CACNB2: variants seen among roughly 807,000 people sequenced by gnomAD.
The protein encoded by CACNB2 is voltage-dependent L-type calcium channel subunit beta-2.
A neutral mutation model predicts 73.3 loss-of-function variants in CACNB2; 42 were observed. That is an observed-to-expected ratio of 0.57 (90% CI 0.45 to 0.74). CACNB2 has a LOEUF of 0.74. CACNB2 is among the 30% of genes least tolerant of loss of function. The probability of loss-of-function intolerance (pLI) is 0.00; values close to 1 mark genes in which losing one functional copy is unlikely to be tolerated. For missense variants in CACNB2, 940 were observed against 853.0 expected (o/e 1.10, Z -1.27); for synonymous variants, 348 against 310.3 (o/e 1.12, Z -1.28).
At chr10:18,249,717 C>T (rs2037012722) in intron 2 of CACNB2, among the ~76,000 whole-genome samples, 1 of 152,164 alleles carries the variant, frequency 6.6e-6, no homozygotes, top group Admixed American at 6.5e-5. Flanking sequence ...GGGAATTTCA[C>T]AAAAGCTTGT....
At chr10:18,505,702 G>A (rs1361643573) in intron 5 of CACNB2, among the ~76,000 whole-genome samples, 2 of 152,104 alleles carry the variant, frequency 1.3e-5, no homozygotes, top group African/African-American at 2.4e-5. Context: ...TCGGTAACAC[G>A]TTATTTAGCA....
At chr10:18,220,758 A>G (rs1445860481) in intron 2 of CACNB2, among the ~76,000 whole-genome samples, 3 of 152,114 alleles carry the variant, frequency 2.0e-5, no homozygotes, top group Non-Finnish European at 4.4e-5. Context: ...TGCAAACCCT[A>G]CTGTGAACTG....
At chr10:18,290,177 G>A (rs1444741830) in intron 2 of CACNB2, among the ~76,000 whole-genome samples, 1 of 116,846 alleles carries the variant, frequency 8.6e-6, no homozygotes, top group African/African-American at 3.3e-5. Context: ...ATAAGCGCGC[G>A]CCACCATGCC....
rs796929745 is a variant in CACNB2 at position 18,516,814 on chromosome 10, GT to G, written c.805-1510del. ...GCTGTCACTGTATTATGTTTGTCTT[GT>G]TTTTTTTTTTTCTGTTCAAAACTGT... On this transcript the variant is annotated intron_variant, in intron 7 of 13. Transcript: ENST00000324631. Among the ~76,000 whole-genome samples, 1,025 of 142,132 alleles carry G rather than the reference GT, an allele frequency of 7.2e-3. 6 individuals carry two copies. The highest frequency in any genetic ancestry group is 9.4e-3 in the Non-Finnish European group (605 of 64,690). 93.2% of individuals were successfully genotyped at this position (142,132 alleles called of 152,430 possible).
chr10:18,140,918 G>A, intron 1 of CACNB2, 62 bp downstream of exon 1: 1 of 1,547,718 alleles, frequency 6.5e-7, no homozygotes, highest in South Asian at 1.2e-5. Context: ...ACCGACCTCG[G>A]GTTCTCCCGG....
In CACNB2 at chr10:18,330,474, T is replaced by A. The variant is rs372844769; in HGVS notation, c.214-71450T>A. 5.9e-5 allele frequency among the ~76,000 whole-genome samples: 9 copies of A among 152,058 alleles called. No individual in the cohort carries two copies. In the East Asian group the frequency reaches 9.7e-4, roughly 16 times the overall value. The stretch of plus-strand genomic sequence containing the variant: ...AAGACCATCCTGAGCATAGCAAGAC[T>A]CTGTCTCTACAAAACATTGAAAGAT... On this transcript the variant is annotated intron_variant, in intron 2 of 13. Coordinates refer to ENST00000324631, the MANE Select transcript of CACNB2 (RefSeq NM_201596.3).
At chr10:18,360,950 A>T (rs557292401) in intron 2 of CACNB2, among the ~76,000 whole-genome samples, 1 of 152,248 alleles carries the variant, frequency 6.6e-6, no homozygotes, top group East Asian at 1.9e-4. Context: ...TTTTGTCCAC[A>T]ATTCAAATTC....
intron 3 of CACNB2, among the ~76,000 whole-genome samples, chr10:18,469,440 A>G (rs980391671): frequency 6.6e-6 from 1 of 152,100 alleles, no homozygotes; most frequent in Non-Finnish European, 1.5e-5. Context: ...GATGTATTTA[A>G]TATGTTGTTG....
At chr10:18,263,447 A>G (rs959977499) in intron 2 of CACNB2, among the ~76,000 whole-genome samples, 1 of 152,212 alleles carries the variant, frequency 6.6e-6, no homozygotes, top group African/African-American at 2.4e-5. Context: ...ACTGGAACTA[A>G]ATGTCAATAT....
At chr10:18,402,763 C>T (rs1589250918) in intron 3 of CACNB2, among the ~76,000 whole-genome samples, 2 of 152,270 alleles carry the variant, frequency 1.3e-5, no homozygotes, top group Middle Eastern at 3.4e-3. Flanking sequence ...ATAGATTGTT[C>T]GAGTTGAAGG....
At chr10:18,531,346 C>CTGAT (rs2053011599) in intron 10 of CACNB2, among the ~76,000 whole-genome samples, 1 of 152,156 alleles carries the variant, frequency 6.6e-6, no homozygotes, top group African/African-American at 2.4e-5. Context: ...TCCTCCCACC[C>CTGAT]TGATAGGCCC....
intron 3 of CACNB2, among the ~76,000 whole-genome samples, chr10:18,488,066 C>G (rs1422691020): frequency 6.6e-6 from 1 of 151,406 alleles, no homozygotes; most frequent in Non-Finnish European, 1.5e-5. Context: ...GCCTCGGCCT[C>G]CCAAAGTGCT....
rs1423590171 is a variant in CACNB2 at position 18,435,697 on chromosome 10, G to A, written c.333+33654G>A. Among the ~76,000 whole-genome samples, 10 of 151,764 alleles carry A rather than the reference G, an allele frequency of 6.6e-5. No individual in the cohort carries two copies. The East Asian group carries it at 7.7e-4, about 12-fold the overall frequency. The stretch of plus-strand genomic sequence containing the variant: ...TATTTTTTTGTAGGGATGGGGTTTC[G>A]CCATGTTGCCCAGGCTGGTCTCAAA... On this transcript the variant is annotated intron_variant, in intron 3 of 13. Transcript: ENST00000324631.
At chr10:18,270,950 C>T (rs1372255880) in intron 2 of CACNB2, among the ~76,000 whole-genome samples, 1 of 152,140 alleles carries the variant, frequency 6.6e-6, no homozygotes, top group Non-Finnish European at 1.5e-5. Context: ...TCACTACTAC[C>T]TCTTTATTCC....
intron 2 of CACNB2, among the ~76,000 whole-genome samples, chr10:18,247,354 C>A (rs1277437815): frequency 1.3e-5 from 2 of 152,192 alleles, no homozygotes; most frequent in East Asian, 3.9e-4. Context: ...CCAACTAACA[C>A]CAATTCCCAA....
intron 2 of CACNB2, among the ~76,000 whole-genome samples, chr10:18,252,369 T>A (rs955362762): frequency 9.2e-5 from 14 of 152,198 alleles, no homozygotes; most frequent in Admixed American, 2.0e-4. Context: ...TTGGTTTATT[T>A]TAAGCTTATG....
chr10:18,487,402 C>T (rs1589510567), intron 3 of CACNB2, among the ~76,000 whole-genome samples: 1 of 152,172 alleles, frequency 6.6e-6, no homozygotes, highest in Non-Finnish European at 1.5e-5. Context: ...AGAAGGAAGC[C>T]TTACCGAGGA....
intron 2 of CACNB2, among the ~76,000 whole-genome samples, chr10:18,247,974 T>C (rs553512270): frequency 6.6e-6 from 1 of 152,314 alleles, no homozygotes; most frequent in East Asian, 1.9e-4. Context: ...AGTGGATCTC[T>C]CTGGGACCTC....
intron 3 of CACNB2, among the ~76,000 whole-genome samples, chr10:18,495,559 G>GTT (rs2049748744): frequency 1.1e-5 from 1 of 90,878 alleles, no homozygotes; most frequent in African/African-American, 4.6e-5. Context: ...GTGTGTGTGT[G>GTT]TGTGTGTGTG....
Sources: allele counts gnomAD v4.1 joint callset (sites outside exome capture counted in the v4.1 genomes callset), GRCh38; gene constraint gnomAD v4.1.1; transcripts MANE v1.5; gene names NCBI Gene and HGNC (gene_info 2026-07-23, HGNC 2026-07-21).